ITPR3: variants seen among roughly 807,000 people sequenced by gnomAD.
The protein encoded by ITPR3 is inositol 1,4,5-trisphosphate receptor type 3.
Under a neutral mutation model 293.2 loss-of-function variants are expected in ITPR3, and 173 were observed. The ratio of observed to expected loss-of-function variants is 0.59; its 90% CI spans 0.52 to 0.67. The LOEUF is 0.67. ITPR3 is among the 30% of genes least tolerant of loss of function. The pLI is 0.00. For synonymous variants in ITPR3, 1,295 were observed against 1,444.4 expected (o/e 0.90, Z 2.35); for missense variants, 2,796 against 3,592.1 (o/e 0.78, Z 5.66).
chr6:33,672,365 A>G lies in ITPR3; in HGVS notation c.2928+137A>G. 1.3e-6 allele frequency: 1 copy of G among 750,390 alleles called. No homozygotes were observed. The highest frequency in any genetic ancestry group is 2.1e-6 in the Non-Finnish European group (1 of 470,742). 46.5% of individuals were successfully genotyped at this position (750,390 alleles called of 1,614,324 possible). A position where few individuals can be genotyped will look rare whatever the true frequency, so the allele number is the denominator to read the frequency against. On this transcript the variant is annotated intron_variant, in intron 22 of 57. Coordinates refer to ENST00000605930, the MANE Select transcript of ITPR3 (RefSeq NM_002224.4). This position sits in a 1 kb window ranked among gnomAD's most constrained non-coding sequence, Gnocchi z 5.0. ...GAAGTCTCCATCGTGACTGGCTGTC[A>G]GGCCCAGCGGTTCCCACAGTGTGGT...
chr6:33,660,019 G>A (rs976032691), intron 7 of ITPR3, among the ~76,000 whole-genome samples: 12 of 152,218 alleles, frequency 7.9e-5, no homozygotes, highest in Non-Finnish European at 1.6e-4. Flanking sequence ...TGGGCTCTGG[G>A]AGAGAAGGGA....
In ITPR3 at chr6:33,683,946, T is replaced by C. The variant is rs1218582974; in HGVS notation, c.4789-74T>C. 2 of 1,512,266 alleles carry C rather than the reference T, an allele frequency of 1.3e-6. No homozygotes were observed. The highest frequency in any genetic ancestry group is 2.7e-5 in the African/African-American group (2 of 73,032). 93.7% of individuals were successfully genotyped at this position (1,512,266 alleles called of 1,614,324 possible). ...GGCAATCTGTGGGGCTGTTTGGCGT[T>C]TGGGTCGGAGGAATGGCAGTCACAC... On this transcript the variant is annotated intron_variant, in intron 35 of 57. Coordinates refer to ENST00000605930, the MANE Select transcript of ITPR3 (RefSeq NM_002224.4). The surrounding 1 kb of genome is among the most constrained non-coding windows in gnomAD (Gnocchi z 4.5).
intron 51 of ITPR3, among the ~76,000 whole-genome samples, chr6:33,690,587 G>A (rs1387410892): frequency 6.6e-6 from 1 of 152,238 alleles, no homozygotes; most frequent in Non-Finnish European, 1.5e-5. Flanking sequence ...ATTGTGAGAT[G>A]AAATGAGCTA....
At position 33,689,419 on chromosome 6, in the gene ITPR3, C is replaced by G; in HGVS notation, c.6867+9C>G. The G allele has an allele frequency of 6.2e-7, 1 of 1,606,174 alleles. No individual in the cohort carries two copies. Among genetic ancestry groups the G allele is most frequent in the Non-Finnish European group, 8.5e-7 (1 of 1,179,398 alleles). On this transcript the variant is annotated intron_variant, in intron 50 of 57. Transcript: ENST00000605930. ...TCCTGGGTGCCCTCAATGTGAGTGC[C>G]AGAGGGAGCCCCCATTCCCAAACAA...
chr6:33,688,871 T>G, intron 49 of ITPR3, 90 bp downstream of exon 49: 1 of 1,541,824 alleles, frequency 6.5e-7, no homozygotes, highest in Non-Finnish European at 8.9e-7. Flanking sequence ...AGCTGGCCTC[T>G]GAGGGCACCA....
At chr6:33,673,841 C>A in intron 23 of ITPR3, 121 bp downstream of exon 23, 1 of 1,157,726 alleles carries the variant, frequency 8.6e-7, no homozygotes, top group Non-Finnish European at 1.2e-6. Flanking sequence ...CCTTTTCTTT[C>A]CACTGTCTCA....
chr6:33,670,571 C>G lies in ITPR3; in HGVS notation c.2436C>G (p.Ile812Met). 6.3e-7 allele frequency: 1 copy of G among 1,598,294 alleles called. No homozygotes were observed. Among genetic ancestry groups the G allele is most frequent in the Non-Finnish European group, 8.5e-7 (1 of 1,171,022 alleles). Residue 812 changes from isoleucine (I) to methionine (M), a missense_variant, in exon 19 of 58, where the codon ATC (isoleucine) becomes ATG (methionine). Physicochemically the swap from Ile to Met is conservative, Grantham distance 10 (BLOSUM62 1). Coordinates refer to ENST00000605930, the MANE Select transcript of ITPR3 (RefSeq NM_002224.4). This position sits in a 1 kb window ranked among gnomAD's most constrained non-coding sequence, Gnocchi z 6.7. ...LWTEIPTAIT[I>M]KDYDSNLNAS... Reference sequence around the variant, plus strand: ...CTGAGATCCCCACAGCCATCACCATCAAGGAGTGAGAGGGGTGGAGGCAGG... The same window carrying G: ...CTGAGATCCCCACAGCCATCACCATGAAGGAGTGAGAGGGGTGGAGGCAGG...
Position 33,685,509 on chromosome 6 carries a change from G to A in ITPR3, c.5458G>A (p.Glu1820Lys), listed in dbSNP as rs749611517. Residue 1820 changes from glutamate to lysine, a missense_variant, in exon 40 of 58, where the codon GAG becomes AAG. By Grantham distance (56) the Glu-to-Lys change is moderately conservative. Coordinates refer to ENST00000605930, the MANE Select transcript of ITPR3 (RefSeq NM_002224.4). ...GGGCAGCCAGCCACATGAGGACCGC[G>A]AGCCAGTCGACCCCACCACCAAAGG... ...DLGSQPHEDREPVDPTTKGRV... is the reference protein window; with the variant it reads ...DLGSQPHEDRKPVDPTTKGRV... 7 of 1,613,452 alleles carry A rather than the reference G, an allele frequency of 4.3e-6. No individual in the cohort carries two copies. Among genetic ancestry groups the A allele is most frequent in the South Asian group, 3.3e-5 (3 of 91,044 alleles).
intron 20 of ITPR3, 135 bp from the exon 21 acceptor site, chr6:33,671,030 G>C: frequency 6.9e-7 from 1 of 1,453,654 alleles, no homozygotes; most frequent in Non-Finnish European, 9.3e-7. Context: ...TCCCTGCTCC[G>C]CTCTCCCTCC....
rs1484637466 is a variant in ITPR3 at position 33,692,732 on chromosome 6, C to G, written c.7463C>G (p.Ser2488Cys). The change falls in exon 55 of 58, where the codon TCT (serine) becomes TGT (cysteine). Residue 2488 changes from serine (S) to cysteine (C), a missense_variant. Physicochemically the swap from Ser to Cys is moderately radical, Grantham distance 112. Around this residue, in one of 8 missense-constraint regions of ITPR3, gnomAD observed 568 missense variants for 796.1 expected, o/e 0.71. Transcript: ENST00000605930. The surrounding 1 kb of genome is among the most constrained non-coding windows in gnomAD (Gnocchi z 4.2). The stretch of plus-strand genomic sequence containing the variant: ...TCCCTGCCTCATCCCCTGCAGGAGT[C>G]TCTCTTCCCAGCCCGAGTGGTCTAT... ...DILRKPSKDE[S>C]LFPARVVYDL... 1.2e-6 allele frequency: 2 copies of G among 1,614,000 alleles called. No homozygotes were observed. Among genetic ancestry groups the G allele is most frequent in the East Asian group, 2.2e-5 (1 of 44,868 alleles).
In ITPR3 at chr6:33,665,107, C is replaced by T. The variant is rs948082125; in HGVS notation, c.1303C>T (p.Pro435Ser). Residue 435 changes from proline (P) to serine (S), a missense_variant, in exon 13 of 58, where the codon CCC (proline) becomes TCC (serine). Physicochemically the swap from Pro to Ser is moderately conservative, Grantham distance 74 (BLOSUM62 -1). Around this residue, in one of 8 missense-constraint regions of ITPR3, gnomAD observed 955 missense variants for 1,180.8 expected, o/e 0.81. Transcript: ENST00000605930. ...DKEAFAIVSV[P>S]VSEIRDLDFA... Reference sequence around the variant, plus strand: ...GGAGGCCTTTGCCATCGTGTCAGTGCCCGTGTCTGAGATCCGAGACCTGGA... The same window carrying T: ...GGAGGCCTTTGCCATCGTGTCAGTGTCCGTGTCTGAGATCCGAGACCTGGA... 1 of 1,614,164 alleles carries T rather than the reference C, an allele frequency of 6.2e-7. No homozygotes were observed. Among genetic ancestry groups the T allele is most frequent in the South Asian group, 1.1e-5 (1 of 91,088 alleles).
Position 33,659,097 on chromosome 6 carries a change from G to C in ITPR3, c.605G>C (p.Ser202Thr), listed in dbSNP as rs1216504286. 1 of 1,613,896 alleles carries C rather than the reference G, an allele frequency of 6.2e-7. No homozygotes were observed. Among genetic ancestry groups the C allele is most frequent in the African/African-American group, 1.3e-5 (1 of 74,888 alleles). ...CTGCATGCCAGCAATTACGAGCTCA[G>C]CGACAACGCCGGCTGCAAGGAGGTG... ...QPLHASNYEL[S>T]DNAGCKEVNS... Residue 202 changes from serine (S) to threonine (T), a missense_variant, in exon 6 of 58, where the codon AGC becomes ACC. Physicochemically the swap from Ser to Thr is moderately conservative, Grantham distance 58 (BLOSUM62 1). Transcript: ENST00000605930.
intron 51 of ITPR3, among the ~76,000 whole-genome samples, chr6:33,690,448 T>C (rs1381246904): frequency 6.6e-6 from 1 of 152,218 alleles, no homozygotes; most frequent in Non-Finnish European, 1.5e-5. Flanking sequence ...ACTCTGGAGC[T>C]GGACCAGGGC....
At chr6:33,690,685 C>T (rs537250835) in intron 51 of ITPR3, among the ~76,000 whole-genome samples, 14 of 152,326 alleles carry the variant, frequency 9.2e-5, no homozygotes, top group South Asian at 6.2e-4. Context: ...TTTCACCCCT[C>T]GTGCCTTCCC....
intron 1 of ITPR3, among the ~76,000 whole-genome samples, chr6:33,640,270 T>C (rs1456877118): frequency 3.3e-5 from 5 of 152,084 alleles, no homozygotes; most frequent in African/African-American, 1.2e-4. Context: ...GGTGTGCTTC[T>C]GTGTTCTTCC....
chr6:33,679,354 G>C lies in ITPR3; in HGVS notation c.3972+515G>C, dbSNP rs1245515456. The stretch of plus-strand genomic sequence containing the variant: ...TAAATCTGGAACAGACGTGGTCCCT[G>C]CCCCTGAGCATCTGACAGTGTAGGC... On this transcript the variant is annotated intron_variant, in intron 30 of 57. Coordinates refer to ENST00000605930, the MANE Select transcript of ITPR3 (RefSeq NM_002224.4). The surrounding 1 kb of genome is among the most constrained non-coding windows in gnomAD (Gnocchi z 4.2). Among the ~76,000 whole-genome samples, 1 of 152,226 alleles carries C rather than the reference G, an allele frequency of 6.6e-6. No individual in the cohort carries two copies. The highest frequency in any genetic ancestry group is 1.5e-5 in the Non-Finnish European group (1 of 68,044).
In ITPR3 at chr6:33,680,621, C is replaced by G; in HGVS notation, c.4417C>G (p.Leu1473Val). The change falls in exon 33 of 58, where the codon CTG (leucine) becomes GTG (valine). Residue 1473 changes from leucine to valine, a missense_variant. By Grantham distance (32) the Leu-to-Val change is conservative. This residue lies in a region of ITPR3 where 344 missense variants were observed against 460.3 expected (regional missense o/e 0.75). Coordinates refer to ENST00000605930, the MANE Select transcript of ITPR3 (RefSeq NM_002224.4). The stretch of plus-strand genomic sequence containing the variant: ...GGAGAAGTACGTGCTGAGCGTTGTG[C>G]TGGACACCATCAACGCCTTCTTCAG... ...TLEKYVLSVVLDTINAFFSSP... is the reference protein window; with the variant it reads ...TLEKYVLSVVVDTINAFFSSP... 6.2e-7 allele frequency: 1 copy of G among 1,614,116 alleles called. No homozygotes were observed. The highest frequency in any genetic ancestry group is 8.5e-7 in the Non-Finnish European group (1 of 1,180,010).
chr6:33,669,210 G>A, intron 18 of ITPR3, 54 bp downstream of exon 18: 1 of 1,560,778 alleles, frequency 6.4e-7, no homozygotes, highest in Non-Finnish European at 8.7e-7. Flanking sequence ...GGCCTTCTCA[G>A]TAGGCCGTCA....
intron 39 of ITPR3, 109 bp from the exon 40 acceptor site, chr6:33,685,250 A>AGGCCCCTGCAGCCCCAGC: frequency 8.9e-7 from 1 of 1,117,414 alleles, no homozygotes; most frequent in South Asian, 1.5e-5. Context: ...GCCTGCAGCC[A>AGGCCCCTGCAGCCCCAGC]GGCCCCTGCA....
Sources: allele counts gnomAD v4.1 joint callset (sites outside exome capture counted in the v4.1 genomes callset), GRCh38; gene constraint gnomAD v4.1.1; regional missense constraint gnomAD v4.1.1; non-coding constraint Gnocchi (gnomAD v3.1); transcripts MANE v1.5; gene names NCBI Gene and HGNC (gene_info 2026-07-23, HGNC 2026-07-21).